PAIP1: variants seen among roughly 807,000 people sequenced by gnomAD.
The protein encoded by PAIP1 is poly(A) binding protein interacting protein 1.
In PAIP1, 16 loss-of-function variants were observed where a neutral mutation model predicts 61.3. That is an observed-to-expected ratio of 0.26 (90% confidence interval 0.18 to 0.40). The LOEUF is 0.40. PAIP1 is among the 10% of genes least tolerant of loss of function. The pLI, the probability that PAIP1 is intolerant of heterozygous loss-of-function variation, is 1.00. For missense variants in PAIP1, 416 were observed against 600.9 expected (o/e 0.69, Z 3.22); for synonymous variants, 187 against 226.2 (o/e 0.83, Z 1.56).
chr5:43,544,100 G>A (rs1346859521), intron 3 of PAIP1, among the ~76,000 whole-genome samples: 1 of 136,576 alleles, frequency 7.3e-6, no homozygotes. Context: ...CTGTGGTCAC[G>A]CCACTGCACT....
intron 3 of PAIP1, among the ~76,000 whole-genome samples, 194 bp from the exon 4 acceptor site, chr5:43,543,310 C>CAAAAAA (rs11427976): frequency 1.0e-5 from 1 of 96,040 alleles, no homozygotes. Flanking sequence ...ACAATAAGTA[C>CAAAAAA]AAAAAAAAAA....
intron 9 of PAIP1, 37 bp downstream of exon 9, chr5:43,533,701 A>C: frequency 7.3e-7 from 1 of 1,364,300 alleles, no homozygotes; most frequent in Non-Finnish European, 1.1e-6. Context: ...ACTTTACCAA[A>C]CAACTGGGAG....
intron 9 of PAIP1, among the ~76,000 whole-genome samples, chr5:43,531,378 C>A (rs1270724443): frequency 1.4e-5 from 2 of 138,338 alleles, no homozygotes; most frequent in East Asian, 2.1e-4. Flanking sequence ...TAATCAGGGT[C>A]ATATTAATAT....
intron 9 of PAIP1, among the ~76,000 whole-genome samples, chr5:43,530,549 C>T (rs752658015): frequency 2.6e-5 from 4 of 152,140 alleles, no homozygotes; most frequent in Non-Finnish European, 5.9e-5. Context: ...CAGAAGCCAA[C>T]GGAAATTTTG....
chr5:43,526,362 GCAGA>G lies in PAIP1; in HGVS notation c.*1010_*1013del, dbSNP rs1432316225. On this transcript the variant is annotated 3_prime_UTR_variant, in exon 11 of 11. Transcript: ENST00000306846. ...AAAAGTGAGAAAGCTAACTGTATTA[GCAGA>G]CACAGATGTACCAAATGTAAAACAG... The G allele has an allele frequency of 6.6e-6, 1 of 152,306 alleles. No individual in the cohort carries two copies. The highest frequency in any genetic ancestry group is 6.6e-5 in the Admixed American group (1 of 15,226). The allele number at this position is 152,306 out of a possible 1,614,324, so 9.4% of individuals were successfully genotyped here.
chr5:43,534,870 C>A lies in PAIP1; in HGVS notation c.1180G>T (p.Asp394Tyr). Residue 394 changes from aspartate (D) to tyrosine (Y), a missense_variant, in exon 8 of 11, where the codon GAT becomes TAT. By Grantham distance (160) the Asp-to-Tyr change is radical. Transcript: ENST00000306846. ...TGGCATACCATAAAGTAGTTAGGAT[C>A]ATTTTCTGGTGTTGCTTCTCTATAT... ...STYREATPEN[D>Y]PNYFMNEPTF... The A allele has an allele frequency of 6.5e-7, 1 of 1,548,390 alleles. No individual in the cohort carries two copies. Among genetic ancestry groups the A allele is most frequent in the Non-Finnish European group, 8.9e-7 (1 of 1,121,138 alleles).
chr5:43,541,879 CA>C (rs1296831734), intron 4 of PAIP1, among the ~76,000 whole-genome samples: 2 of 151,562 alleles, frequency 1.3e-5, no homozygotes, highest in Non-Finnish European at 2.9e-5. Flanking sequence ...ACAAGCATAG[CA>C]AAGAATATTT....
chr5:43,556,836 C>T lies in PAIP1; in HGVS notation c.11G>A (p.Gly4Asp). ...ACCAGCACCTGGGGCCCGATCGAAA[C>T]CGTCCGACATGCTCCTCCTCCTCCG... is the stretch of plus-strand genomic sequence containing the variant. Reference protein sequence around the residue: MSDGFDRAPGAGRG... With the variant: MSDDFDRAPGAGRG... The change falls in exon 1 of 11, where the codon GGT becomes GAT. Residue 4 changes from glycine (G) to aspartate (D), a missense_variant. Physicochemically the swap from Gly to Asp is moderately conservative, Grantham distance 94. Transcript: ENST00000306846. 1 of 1,446,340 alleles carries T rather than the reference C, an allele frequency of 6.9e-7. No individual in the cohort carries two copies. The highest frequency in any genetic ancestry group is 9.1e-7 in the Non-Finnish European group (1 of 1,101,672). The allele number at this position is 1,446,340 out of a possible 1,614,324, so 89.6% of individuals were successfully genotyped here. A position where few individuals can be genotyped will look rare whatever the true frequency, so the allele number is the denominator to read the frequency against.
At chr5:43,534,769 T>C in intron 8 of PAIP1, 84 bp downstream of exon 8, 1 of 772,756 alleles carries the variant, frequency 1.3e-6, no homozygotes, top group Admixed American at 1.9e-5. Context: ...CACTGAATTC[T>C]GAGAACAGCT....
intron 2 of PAIP1, 21 bp downstream of exon 2, chr5:43,555,809 T>A (rs764089079): frequency 6.4e-7 from 1 of 1,574,426 alleles, no homozygotes; most frequent in African/African-American, 1.4e-5. Flanking sequence ...CCCAGAGTTG[T>A]AGGAAAAAGG....
chr5:43,539,569 T>C (rs1385231509), intron 4 of PAIP1, among the ~76,000 whole-genome samples: 3 of 117,138 alleles, frequency 2.6e-5, no homozygotes, highest in Non-Finnish European at 5.6e-5. Flanking sequence ...GAAGTACTAA[T>C]GTGAGGAAAA....
chr5:43,556,378 A>C, intron 1 of PAIP1: 2 of 1,233,622 alleles, frequency 1.6e-6, no homozygotes, highest in Non-Finnish European at 2.0e-6. Flanking sequence ...CCCTCCCCCC[A>C]GCCAGGCGCA....
rs556225667 is a variant in PAIP1, at chr5:43,554,002, C to T, written c.435+1828G>A. Among the ~76,000 whole-genome samples, 6 of 152,294 alleles carry T rather than the reference C, an allele frequency of 3.9e-5. No homozygotes were observed. In the East Asian group the frequency reaches 1.2e-3, roughly 29 times the overall value. ...ACCCATTCAGGGCTAGAGAAGACAC[C>T]TGCAGGCCACACAGGTTTCCAGGTG... On this transcript the variant is annotated intron_variant, in intron 2 of 10. Coordinates refer to ENST00000306846, the MANE Select transcript of PAIP1 (RefSeq NM_006451.5).
At chr5:43,533,165 A>G (rs1747010816) in intron 9 of PAIP1, among the ~76,000 whole-genome samples, 4 of 152,204 alleles carry the variant, frequency 2.6e-5, no homozygotes, top group Admixed American at 1.3e-4. Flanking sequence ...AAAAATTCCA[A>G]CCATAAGCTG....
At chr5:43,529,952 T>C in intron 9 of PAIP1, 73 bp from the exon 10 acceptor site, 1 of 751,472 alleles carries the variant, frequency 1.3e-6, no homozygotes, top group South Asian at 1.5e-5. Context: ...CCCCTAAATG[T>C]TTTTTAATAT....
chr5:43,533,619 T>C lies in PAIP1; in HGVS notation c.1252+119A>G. 6.7e-6 allele frequency: 5 copies of C among 743,524 alleles called. No homozygotes were observed. In the Admixed American group the frequency reaches 9.7e-5, roughly 14 times the overall value. 46.1% of individuals were successfully genotyped at this position (743,524 alleles called of 1,614,324 possible). A position where few individuals can be genotyped will look rare whatever the true frequency, so the allele number is the denominator to read the frequency against. ...TTAGACAAACCATTACACTGGTATT[T>C]TAGAATGATGTGAAGACATCAAAAA... On this transcript the variant is annotated intron_variant, in intron 9 of 10. Coordinates refer to ENST00000306846, the MANE Select transcript of PAIP1 (RefSeq NM_006451.5).
chr5:43,536,739 A>C, intron 6 of PAIP1, 80 bp downstream of exon 6: 1 of 634,486 alleles, frequency 1.6e-6, no homozygotes, highest in Non-Finnish European at 2.6e-6. Flanking sequence ...TCTTGAATTC[A>C]TCTGTATACT....
In PAIP1 at chr5:43,530,091, T is replaced by C. The variant is rs560082116; in HGVS notation, c.1253-212A>G. Among the ~76,000 whole-genome samples, 17 of 152,388 alleles carry C rather than the reference T, an allele frequency of 1.1e-4. No homozygotes were observed. The East Asian group carries it at 1.9e-3, about 17-fold the overall frequency. On this transcript the variant is annotated intron_variant, in intron 9 of 10. Coordinates refer to ENST00000306846, the MANE Select transcript of PAIP1 (RefSeq NM_006451.5). ...TAGCCAATGTGTTTATATCCTCTAC[T>C]GCTGCTTTCCATCAGACAAAATAAT...
rs555982778 is a variant in PAIP1 at position 43,538,963 on chromosome 5, T to C, written c.807A>G (p.Ala269=). The C allele has an allele frequency of 6.2e-7, 1 of 1,611,062 alleles. No homozygotes were observed. The highest frequency in any genetic ancestry group is 8.5e-7 in the Non-Finnish European group (1 of 1,178,644). Residue 269 remains alanine, a synonymous_variant, in exon 5 of 11, where the codon GCA becomes GCG. Coordinates refer to ENST00000306846, the MANE Select transcript of PAIP1 (RefSeq NM_006451.5). ...AAAGTTCTCCCAGAAAGAGTACAAATGCATGAAATCGTTTTCGAGTAACTT... is the reference window on the plus strand; with the variant it reads ...AAAGTTCTCCCAGAAAGAGTACAAACGCATGAAATCGTTTTCGAGTAACTT... ...GDEVTRKRFH[A]FVLFLGELYL... is the part of the protein sequence containing the mutation.
Sources: gnomAD v4.1 joint callset for allele counts (sites outside exome capture counted in the v4.1 genomes callset) on GRCh38, gnomAD v4.1.1 for gene constraint, MANE v1.5 for transcripts, NCBI Gene and HGNC (gene_info 2026-07-23, HGNC 2026-07-21) for gene names.